Variants in PATE2 observed in about 807,000 individuals in gnomAD.
PATE2 encodes the protein prostate and testis expressed 2.
In PATE2, 7 loss-of-function variants were observed where a neutral mutation model predicts 10.5. The observed-to-expected ratio is 0.66, with a 90% CI of 0.38 to 1.25. The LOEUF is 1.25. PATE2 is among the 50% of genes most tolerant of loss of function. The probability of loss-of-function intolerance (pLI) is 0.02; values close to 1 mark genes in which losing one functional copy is unlikely to be tolerated. For missense variants in PATE2, 133 were observed against 135.4 expected (o/e 0.98, Z 0.09); for synonymous variants, 44 against 46.9 (o/e 0.94, Z 0.25).
chr11:125,777,873 C>A lies in PATE2; in HGVS notation c.205+1G>T. 2 of 1,613,002 alleles carry A rather than the reference C, an allele frequency of 1.2e-6. No individual in the cohort carries two copies. The highest frequency in any genetic ancestry group is 1.1e-5 in the South Asian group (1 of 90,994). On this transcript the variant is annotated splice_donor_variant, in intron 3 of 3. Coordinates refer to ENST00000358524, the MANE Select transcript of PATE2 (RefSeq NM_212555.3). LOFTEE classifies it high-confidence loss of function. ...TCCAGTCACTCTATACTCCACATTA[C>A]CTTTCCTTGTAAGGATGTAAAAGTT...
At position 125,777,471 on chromosome 11, in the gene PATE2, C is replaced by T. The variant is rs374476463; in HGVS notation, c.253G>A (p.Glu85Lys). 1.2e-6 allele frequency: 2 copies of T among 1,613,734 alleles called. No homozygotes were observed. Among genetic ancestry groups the T allele is most frequent in the Non-Finnish European group, 1.7e-6 (2 of 1,179,802 alleles). Residue 85 changes from glutamate to lysine, a missense_variant, in exon 4 of 4, where the codon GAG (glutamate) becomes AAG (lysine). Glu to Lys is a moderately conservative substitution (Grantham distance 56). Coordinates refer to ENST00000358524, the MANE Select transcript of PATE2 (RefSeq NM_212555.3). Reference sequence around the variant, plus strand: ...GTGAACCCCAGGAAGTTGATGTCCTCACAGCTGGTCATACACGACAGTTTT... The same window carrying T: ...GTGAACCCCAGGAAGTTGATGTCCTTACAGCTGGTCATACACGACAGTTTT... ...YSKLSCMTSC[E>K]DINFLGFTKR...
chr11:125,777,026 T>A lies in PATE2; in HGVS notation c.*356A>T. On this transcript the variant is annotated 3_prime_UTR_variant, in exon 4 of 4. Coordinates refer to ENST00000358524, the MANE Select transcript of PATE2 (RefSeq NM_212555.3). ...TGTGTGTGTAGATGAGGATAGAGGA[T>A]AGTCACAGAATTCTCAGTACAAATT... is the stretch of plus-strand genomic sequence containing the variant. 1 of 181,676 alleles carries A rather than the reference T, an allele frequency of 5.5e-6. No homozygotes were observed. The highest frequency in any genetic ancestry group is 2.3e-5 in the African/African-American group (1 of 42,704). 11.3% of individuals were successfully genotyped at this position (181,676 alleles called of 1,614,324 possible).
rs965987196 is a variant in PATE2, at chr11:125,777,175, G to C, written c.*207C>G. On this transcript the variant is annotated 3_prime_UTR_variant, in exon 4 of 4. Transcript: ENST00000358524. ...ACCCCTCCCACCTGTTAGCGACAGG[G>C]ATGTGCAAAGAGTGAGTCTAGTGCT... 1.7e-5 allele frequency: 9 copies of C among 522,808 alleles called. No individual in the cohort carries two copies. The highest frequency in any genetic ancestry group is 3.0e-5 in the Non-Finnish European group (9 of 299,590). The allele number at this position is 522,808 out of a possible 1,614,324, so 32.4% of individuals were successfully genotyped here.
At chr11:125,778,253 A>C (rs1431573964) in intron 2 of PATE2, among the ~76,000 whole-genome samples, 3 of 152,092 alleles carry the variant, frequency 2.0e-5, no homozygotes, top group Admixed American at 6.5e-5. Flanking sequence ...AACATAAATC[A>C]AACACTGTAT....
In PATE2 at chr11:125,777,765, C is replaced by A. The variant is rs1446549305; in HGVS notation, c.205+109G>T. On this transcript the variant is annotated intron_variant, in intron 3 of 3. Coordinates refer to ENST00000358524, the MANE Select transcript of PATE2 (RefSeq NM_212555.3). The stretch of plus-strand genomic sequence containing the variant: ...TGTCTTTGCCATCCCCTCAAGACCA[C>A]CCCATACTCACCCATCCCATTCACC... 3.6e-6 allele frequency: 5 copies of A among 1,392,484 alleles called. No individual in the cohort carries two copies. The Admixed American group carries it at 8.5e-5, about 24-fold the overall frequency. The allele number at this position is 1,392,484 out of a possible 1,614,324, so 86.3% of individuals were successfully genotyped here. A position where few individuals can be genotyped will look rare whatever the true frequency, so the allele number is the denominator to read the frequency against.
intron 3 of PATE2, 100 bp downstream of exon 3, chr11:125,777,774 C>T (rs1943499992): frequency 1.4e-6 from 2 of 1,432,328 alleles, no homozygotes; most frequent in African/African-American, 1.4e-5. Flanking sequence ...ACCCCATACT[C>T]ACCCATCCCA....
rs1181919793 is a variant in PATE2 at position 125,777,516 on chromosome 11, G to T, written c.208C>A (p.Gln70Lys). 1 of 1,613,504 alleles carries T rather than the reference G, an allele frequency of 6.2e-7. No homozygotes were observed. The highest frequency in any genetic ancestry group is 1.3e-5 in the African/African-American group (1 of 74,968). The change falls in exon 4 of 4, where the codon CAG (glutamine) becomes AAG (lysine). Residue 70 changes from glutamine to lysine, a missense_variant and splice_region_variant. Transcript: ENST00000358524. ...AGTTTTGAATAATGATACATGCTCT[G>T]CCCTGAGGAGGTAAAAGAGAGGAAA... ...ENFYILTRKG[Q>K]SMYHYSKLSC...
In PATE2 at chr11:125,777,106, C is replaced by G; in HGVS notation, c.*276G>C. ...TTTCATACAGGAGATAATAAATGAC[C>G]AAGTCTGAGCTTATTCATGGCAGTA... On this transcript the variant is annotated 3_prime_UTR_variant, in exon 4 of 4. Transcript: ENST00000358524. The G allele has an allele frequency of 3.1e-6, 1 of 323,002 alleles. No homozygotes were observed. Among genetic ancestry groups the G allele is most frequent in the Non-Finnish European group, 5.8e-6 (1 of 173,908 alleles). 20.0% of individuals were successfully genotyped at this position (323,002 alleles called of 1,614,324 possible). A position where few individuals can be genotyped will look rare whatever the true frequency, so the allele number is the denominator to read the frequency against.
In PATE2 at chr11:125,777,223, T is replaced by C; in HGVS notation, c.*159A>G. ...GCTCCATCATCAATAGGCTCCGCTGTCCACACTGCGTCTCCTTATGCCTGC... is the reference window on the plus strand; with the variant it reads ...GCTCCATCATCAATAGGCTCCGCTGCCCACACTGCGTCTCCTTATGCCTGC... On this transcript the variant is annotated 3_prime_UTR_variant, in exon 4 of 4. Coordinates refer to ENST00000358524, the MANE Select transcript of PATE2 (RefSeq NM_212555.3). The C allele has an allele frequency of 1.3e-6, 1 of 783,900 alleles. No individual in the cohort carries two copies. Among genetic ancestry groups the C allele is most frequent in the South Asian group, 2.0e-5 (1 of 50,538 alleles). 48.6% of individuals were successfully genotyped at this position (783,900 alleles called of 1,614,324 possible).
At chr11:125,777,814 C>T (rs1240474835) in intron 3 of PATE2, 60 bp downstream of exon 3, 1 of 1,587,184 alleles carries the variant, frequency 6.3e-7, no homozygotes, top group South Asian at 1.1e-5. Context: ...GGCAAAAGAA[C>T]ACTACTGTTT....
Position 125,777,269 on chromosome 11 carries a change from G to T in PATE2, c.*113C>A. On this transcript the variant is annotated 3_prime_UTR_variant, in exon 4 of 4. Transcript: ENST00000358524. ...CCTGCTTGTCTTTTCACTATGAGCT[G>T]GCTTTCTCACTCTCTACCAATGCAT... 1 of 1,291,758 alleles carries T rather than the reference G, an allele frequency of 7.7e-7. No homozygotes were observed. The highest frequency in any genetic ancestry group is 1.1e-6 in the Non-Finnish European group (1 of 932,768). The allele number at this position is 1,291,758 out of a possible 1,614,324, so 80.0% of individuals were successfully genotyped here.
intron 2 of PATE2, 57 bp from the exon 3 acceptor site, chr11:125,778,059 G>A: frequency 6.3e-7 from 1 of 1,583,854 alleles, no homozygotes; most frequent in South Asian, 1.1e-5. Context: ...ATTCTCTGGG[G>A]CTGGGGGCTT....
At position 125,776,555 on chromosome 11, in the gene PATE2, T is replaced by G. The variant is rs1013704534; in HGVS notation, c.*827A>C. On this transcript the variant is annotated 3_prime_UTR_variant, in exon 4 of 4. Coordinates refer to ENST00000358524, the MANE Select transcript of PATE2 (RefSeq NM_212555.3). Reference sequence around the variant, plus strand: ...CACTACCTCATGGTATCTATTTACATCCTATTATCTTCAACTACTACACCA... The same window carrying G: ...CACTACCTCATGGTATCTATTTACAGCCTATTATCTTCAACTACTACACCA... 4.6e-5 allele frequency: 7 copies of G among 152,150 alleles called. No individual in the cohort carries two copies. The highest frequency in any genetic ancestry group is 1.7e-4 in the African/African-American group (7 of 41,402). 9.4% of individuals were successfully genotyped at this position (152,150 alleles called of 1,614,324 possible).
Position 125,777,211 on chromosome 11 carries a change from TA to T in PATE2, c.*170del. 1.4e-6 allele frequency: 1 copy of T among 695,552 alleles called. No homozygotes were observed. The allele number at this position is 695,552 out of a possible 1,614,324, so 43.1% of individuals were successfully genotyped here. A position where few individuals can be genotyped will look rare whatever the true frequency, so the allele number is the denominator to read the frequency against. ...AGTGAGTCTAGTGCTCCATCATCAA[TA>T]GGCTCCGCTGTCCACACTGCGTCTC... On this transcript the variant is annotated 3_prime_UTR_variant, in exon 4 of 4. Transcript: ENST00000358524.
Position 125,776,221 on chromosome 11 carries a change from A to G in PATE2, c.*1161T>C, listed in dbSNP as rs944441843. 4 of 152,090 alleles carry G rather than the reference A, an allele frequency of 2.6e-5. No homozygotes were observed. The highest frequency in any genetic ancestry group is 1.5e-5 in the Non-Finnish European group (1 of 68,012). The allele number at this position is 152,090 out of a possible 1,614,324, so 9.4% of individuals were successfully genotyped here. ...CTTTAAGTTCTGGGATACATGAAAGAAAGTGCAGCATGCAGGTTTGTTACA... is the reference window on the plus strand; with the variant it reads ...CTTTAAGTTCTGGGATACATGAAAGGAAGTGCAGCATGCAGGTTTGTTACA... On this transcript the variant is annotated 3_prime_UTR_variant, in exon 4 of 4. Coordinates refer to ENST00000358524, the MANE Select transcript of PATE2 (RefSeq NM_212555.3).
chr11:125,777,875 T>C lies in PATE2; in HGVS notation c.204A>G (p.Lys68=). The C allele has an allele frequency of 6.2e-7, 1 of 1,613,088 alleles. No individual in the cohort carries two copies. The highest frequency in any genetic ancestry group is 8.5e-7 in the Non-Finnish European group (1 of 1,179,452). The change falls in exon 3 of 4, where the codon AAA becomes AAG. Residue 68 remains lysine, a splice_region_variant and synonymous_variant. Coordinates refer to ENST00000358524, the MANE Select transcript of PATE2 (RefSeq NM_212555.3). ...AVENFYILTR[K]GQSMYHYSKL... ...CAGTCACTCTATACTCCACATTACC[T>C]TTCCTTGTAAGGATGTAAAAGTTCT...
chr11:125,777,014 GAGGATAGAGGA>G lies in PATE2; in HGVS notation c.*357_*367del. 1.2e-5 allele frequency: 2 copies of G among 163,514 alleles called. No homozygotes were observed. Among genetic ancestry groups the G allele is most frequent in the Middle Eastern group, 2.8e-3 (1 of 354 alleles). The allele number at this position is 163,514 out of a possible 1,614,324, so 10.1% of individuals were successfully genotyped here. A position where few individuals can be genotyped will look rare whatever the true frequency, so the allele number is the denominator to read the frequency against. ...AACGGAGAGGAGTGTGTGTGTAGAT[GAGGATAGAGGA>G]TAGTCACAGAATTCTCAGTACAAAT... On this transcript the variant is annotated 3_prime_UTR_variant, in exon 4 of 4. Coordinates refer to ENST00000358524, the MANE Select transcript of PATE2 (RefSeq NM_212555.3).
chr11:125,777,813 A>G, intron 3 of PATE2, 61 bp downstream of exon 3: 1 of 1,585,286 alleles, frequency 6.3e-7, no homozygotes, highest in Non-Finnish European at 8.6e-7. Context: ...GGGCAAAAGA[A>G]CACTACTGTT....
rs902920643 is a variant in PATE2 at position 125,777,322 on chromosome 11, G to A, written c.*60C>T. 8.9e-6 allele frequency: 14 copies of A among 1,576,866 alleles called. No homozygotes were observed. The highest frequency in any genetic ancestry group is 6.8e-5 in the Admixed American group (4 of 58,442). Reference sequence around the variant, plus strand: ...AAGAGGAGAGCAAAATTCAGGTTCAGGGAAGAGAAAAAGAGCGTAGTGGTT... The same window carrying A: ...AAGAGGAGAGCAAAATTCAGGTTCAAGGAAGAGAAAAAGAGCGTAGTGGTT... On this transcript the variant is annotated 3_prime_UTR_variant, in exon 4 of 4. Coordinates refer to ENST00000358524, the MANE Select transcript of PATE2 (RefSeq NM_212555.3).
Sources: allele counts gnomAD v4.1 joint callset (sites outside exome capture counted in the v4.1 genomes callset), GRCh38; gene constraint gnomAD v4.1.1; transcripts MANE v1.5; gene names NCBI Gene and HGNC (gene_info 2026-07-23, HGNC 2026-07-21).